The following GALM variants were observed in gnomAD, a reference collection of about 807,000 sequenced individuals.
GALM encodes aldose 1-epimerase.
In GALM, 43 loss-of-function variants were observed where a neutral mutation model predicts 37.4. The ratio of observed to expected loss-of-function variants is 1.15; its 90% CI spans 0.90 to 1.48. The LOEUF (loss-of-function observed/expected upper bound fraction) is 1.48. Ranked by LOEUF, GALM falls within the 40% of genes most tolerant of loss-of-function variation. The pLI, the probability that GALM is intolerant of heterozygous loss-of-function variation, is 0.00. For synonymous variants in GALM, 199 were observed against 170.6 expected (o/e 1.17, Z -1.30); for missense variants, 456 against 419.1 (o/e 1.09, Z -0.77).
chr2:38,679,002 T>A (rs544692015), intron 2 of GALM, among the ~76,000 whole-genome samples: 4 of 150,452 alleles, frequency 2.7e-5, no homozygotes, highest in Middle Eastern at 3.4e-3. Context: ...TTATTTATTT[T>A]TTGACACGGA....
Position 38,721,550 on chromosome 2 carries a change from G to A in GALM, c.635-8006G>A, listed in dbSNP as rs374523276. 1.2e-4 allele frequency among the ~76,000 whole-genome samples: 19 copies of A among 152,206 alleles called. No homozygotes were observed. In the East Asian group the frequency reaches 1.9e-3, roughly 15 times the overall value. ...CTTTTTTGAGACGAGCTCTCACTCT[G>A]TCACCCAGGCTGGAGTGCAGTGGCA... On this transcript the variant is annotated intron_variant, in intron 4 of 6. Transcript: ENST00000272252.
At chr2:38,678,938 G>A (rs115235830) in intron 2 of GALM, among the ~76,000 whole-genome samples, 6 of 152,204 alleles carry the variant, frequency 3.9e-5, no homozygotes, top group Admixed American at 3.9e-4. Flanking sequence ...GAGACAGCCA[G>A]TCCTGAGTTT....
chr2:38,674,191 C>CTTTTTT (rs202079509), intron 1 of GALM, among the ~76,000 whole-genome samples: 2 of 134,502 alleles, frequency 1.5e-5, no homozygotes. Flanking sequence ...ACAGCTTATA[C>CTTTTTT]TTTTTTTTTT....
intron 4 of GALM, among the ~76,000 whole-genome samples, chr2:38,722,359 A>C (rs1472105799): frequency 6.6e-6 from 1 of 152,082 alleles, no homozygotes; most frequent in Non-Finnish European, 1.5e-5. Context: ...TTATGAAAAC[A>C]ACCTCTAGTG....
chr2:38,705,233 C>T (rs1666013322), intron 4 of GALM, among the ~76,000 whole-genome samples: 2 of 152,160 alleles, frequency 1.3e-5, no homozygotes, highest in African/African-American at 4.8e-5. Context: ...CATAGCCATC[C>T]TTAGTGGTCA....
intron 2 of GALM, among the ~76,000 whole-genome samples, chr2:38,679,060 C>T (rs1558579164): frequency 1.3e-5 from 2 of 152,196 alleles, no homozygotes; most frequent in Admixed American, 6.5e-5. Context: ...AATCTTGGCT[C>T]ACTACAACCT....
At chr2:38,707,090 G>C (rs1398290335) in intron 4 of GALM, among the ~76,000 whole-genome samples, 1 of 150,262 alleles carries the variant, frequency 6.7e-6, no homozygotes, top group African/African-American at 2.5e-5. Flanking sequence ...AGTGAGTTGT[G>C]AGTAGGGGAG....
intron 1 of GALM, chr2:38,669,288 A>G (rs1252053982): frequency 6.6e-6 from 1 of 152,250 alleles, no homozygotes; most frequent in Non-Finnish European, 1.5e-5. Flanking sequence ...CAGACATTTT[A>G]TAGAAAAGCA....
chr2:38,676,047 G>C lies in GALM; in HGVS notation c.326G>C (p.Gly109Ala). The change falls in exon 2 of 7, where the codon GGA becomes GCA. Residue 109 changes from glycine (G) to alanine (A), a missense_variant. Gly to Ala is a moderately conservative substitution (Grantham distance 60, BLOSUM62 0). Transcript: ENST00000272252. The part of the protein sequence containing the change: ...INKEPNSLHG[G>A]VRGFDKVLWT... ...AAGGAACCCAACAGTCTGCATGGAG[G>C]AGTCAGAGGGTTTGATAAAGTAAGT... 1 of 1,614,070 alleles carries C rather than the reference G, an allele frequency of 6.2e-7. No individual in the cohort carries two copies. The highest frequency in any genetic ancestry group is 1.1e-5 in the South Asian group (1 of 91,082).
At chr2:38,672,436 G>C (rs1442791161) in intron 1 of GALM, among the ~76,000 whole-genome samples, 1 of 152,200 alleles carries the variant, frequency 6.6e-6, no homozygotes, top group Non-Finnish European at 1.5e-5. Context: ...TTTTCAGAAA[G>C]AGAAGAAGGT....
chr2:38,703,098 T>G (rs1426157963), intron 4 of GALM, among the ~76,000 whole-genome samples: 19 of 21,936 alleles, frequency 8.7e-4, no homozygotes, highest in African/African-American at 3.2e-3. Flanking sequence ...ATATATTTTT[T>G]TTTTTTTTTT....
At chr2:38,679,282 C>G (rs980431550) in intron 2 of GALM, among the ~76,000 whole-genome samples, 1 of 152,088 alleles carries the variant, frequency 6.6e-6, no homozygotes, top group Non-Finnish European at 1.5e-5. Flanking sequence ...CCACTGCACC[C>G]GGCCACATGT....
At chr2:38,724,650 T>A (rs1303288776) in intron 4 of GALM, among the ~76,000 whole-genome samples, 1 of 152,180 alleles carries the variant, frequency 6.6e-6, no homozygotes, top group Admixed American at 6.6e-5. Context: ...TACCAAAAAT[T>A]TCATCATTTT....
At chr2:38,692,412 T>C (rs1253848473) in intron 4 of GALM, among the ~76,000 whole-genome samples, 1 of 152,100 alleles carries the variant, frequency 6.6e-6, no homozygotes, top group East Asian at 1.9e-4. Flanking sequence ...AGATTTTCTC[T>C]CTTTTTTTCT....
chr2:38,682,286 AAAAGCTTAGCT>A, intron 3 of GALM: 1 of 454,508 alleles, frequency 2.2e-6, no homozygotes, highest in Middle Eastern at 3.3e-4. Context: ...AGACAGAATA[AAAAGCTTAGCT>A]AAACTCTGTA....
At chr2:38,698,953 G>A (rs187623700) in intron 4 of GALM, among the ~76,000 whole-genome samples, 37 of 151,428 alleles carry the variant, frequency 2.4e-4, no homozygotes, top group Admixed American at 4.6e-4. Context: ...TGCTCTTGTT[G>A]CCTAGGCTGG....
intron 3 of GALM, among the ~76,000 whole-genome samples, chr2:38,684,754 C>A (rs528093691): frequency 6.6e-6 from 1 of 152,262 alleles, no homozygotes; most frequent in African/African-American, 2.4e-5. Flanking sequence ...TTGCAGTGAG[C>A]CAAGATTGCG....
At chr2:38,686,113 T>C (rs1665512900) in intron 3 of GALM, among the ~76,000 whole-genome samples, 1 of 151,772 alleles carries the variant, frequency 6.6e-6, no homozygotes, top group African/African-American at 2.4e-5. Context: ...TTCCTTCTCC[T>C]CCTAGGCTTC....
intron 5 of GALM, among the ~76,000 whole-genome samples, chr2:38,730,683 G>A (rs1212794383): frequency 6.6e-6 from 1 of 152,120 alleles, no homozygotes; most frequent in Non-Finnish European, 1.5e-5. Flanking sequence ...CACTTTAGGT[G>A]GCTGAGGTGG....
Sources: gnomAD v4.1 joint callset for allele counts (sites outside exome capture counted in the v4.1 genomes callset) on GRCh38, gnomAD v4.1.1 for gene constraint, MANE v1.5 for transcripts, NCBI Gene and HGNC (gene_info 2026-07-23, HGNC 2026-07-21) for gene names.